Variants in WDR74 observed in about 807,000 individuals in gnomAD.
WDR74 encodes the protein WD repeat-containing protein 74.
WDR74 carries 31 observed loss-of-function variants against 45.6 expected under a neutral mutation model. The ratio of observed to expected loss-of-function variants is 0.68; its 90% CI spans 0.51 to 0.92. WDR74 has a LOEUF of 0.92. Among genes scored for constraint, WDR74 ranks in the 40% least tolerant of loss-of-function variants. WDR74 has a pLI of 0.00. For missense variants in WDR74, 455 were observed against 497.2 expected (o/e 0.92, Z 0.81); for synonymous variants, 191 against 192.4 (o/e 0.99, Z 0.06).
chr11:62,841,808 A>T (rs892915108), upstream of WDR74: 1 of 152,264 alleles, frequency 6.6e-6, no homozygotes, highest in African/African-American at 2.4e-5. Flanking sequence ...CCGAGAAGCG[A>T]TACCTTTACT....
At chr11:62,841,110 A>ATCCGCCCT (rs2085038211), upstream of WDR74, among the ~76,000 whole-genome samples, 2 of 152,298 alleles carry the variant, frequency 1.3e-5, no homozygotes, top group African/African-American at 4.8e-5. Flanking sequence ...CAAGGTCAAG[A>ATCCGCCCT]GATGGAGACC....
chr11:62,834,565 C>A (rs1442707862), intron 6 of WDR74, 38 bp from the exon 7 acceptor site: 1 of 1,559,728 alleles, frequency 6.4e-7, no homozygotes, highest in East Asian at 2.2e-5. Flanking sequence ...GTATCCTCAC[C>A]CTGCACCTAC....
chr11:62,839,288 GC>G (rs2085008503), intron 2 of WDR74, 33 bp downstream of exon 2: 2 of 1,610,952 alleles, frequency 1.2e-6, no homozygotes, highest in South Asian at 2.2e-5. Context: ...TGCGCCCCAG[GC>G]CCCCAGCTCC....
At chr11:62,840,616 T>C (rs1357695102), upstream of WDR74, among the ~76,000 whole-genome samples, 1 of 152,128 alleles carries the variant, frequency 6.6e-6, no homozygotes, top group Non-Finnish European at 1.5e-5. Flanking sequence ...TACCTAGAGA[T>C]TAACACAGAA....
At position 62,834,496 on chromosome 11, in the gene WDR74, C is replaced by A. The variant is rs200001030; in HGVS notation, c.650G>T (p.Arg217Leu). 5.0e-6 allele frequency: 8 copies of A among 1,609,574 alleles called. No homozygotes were observed. Among genetic ancestry groups the A allele is most frequent in the South Asian group, 1.1e-5 (1 of 91,012 alleles). The change falls in exon 7 of 11, where the codon CGC becomes CTC. Residue 217 changes from arginine to leucine, a missense_variant. Arg to Leu is a moderately radical substitution (Grantham distance 102). Transcript: ENST00000278856. ...VRVYDPASPQ[R>L]RPVLETTYGE... ...ATAGGTGGTCTCTAGGACTGGCCGG[C>A]GCTGGGGGGATGCTGGATCATAAAC...
At chr11:62,840,323 C>G (rs2134902092), upstream of WDR74, 1 of 152,210 alleles carries the variant, frequency 6.6e-6, no homozygotes, top group East Asian at 1.9e-4. Context: ...ACTAAACATA[C>G]AAAAACAAAA....
chr11:62,834,906 G>A (rs1035902955), intron 6 of WDR74: 18 of 256,932 alleles, frequency 7.0e-5, no homozygotes, highest in Admixed American at 6.4e-4. Context: ...GTTTTGAGCA[G>A]AGGCATATGA....
intron 6 of WDR74, 116 bp downstream of exon 6, chr11:62,835,315 C>A: frequency 1.1e-6 from 1 of 899,144 alleles, no homozygotes. Context: ...GACGGGGAAG[C>A]GCTTGCTCCT....
intron 6 of WDR74, chr11:62,834,745 G>A (rs907009166): frequency 1.7e-5 from 9 of 544,366 alleles, no homozygotes; most frequent in Non-Finnish European, 2.9e-5. Context: ...AGGTCCCCTA[G>A]GTTGGAAGTG....
chr11:62,841,508 A>G (rs950663305), upstream of WDR74: 1 of 152,138 alleles, frequency 6.6e-6, no homozygotes, highest in African/African-American at 2.4e-5. Context: ...CATTCAACAC[A>G]CTAGCGATAA....
chr11:62,839,622 C>G, upstream of WDR74: 1 of 1,555,438 alleles, frequency 6.4e-7, no homozygotes, highest in Admixed American at 1.9e-5. Flanking sequence ...GTGTGCGTCA[C>G]CAGCGGGCGT....
upstream of WDR74, among the ~76,000 whole-genome samples, chr11:62,841,205 C>T (rs475417): frequency 0.9 from 137,454 of 152,218 alleles, 63,015 homozygotes; most frequent in East Asian, 1. Context: ...TAGTCCCAGC[C>T]ACTCGGGAGG....
At chr11:62,834,390 G>GGGGCCCCCCC in intron 7 of WDR74, 37 bp downstream of exon 7, 2 of 1,584,246 alleles carry the variant, frequency 1.3e-6, no homozygotes, top group Non-Finnish European at 1.7e-6. Context: ...CCCTTCTCAA[G>GGGGCCCCCCC]CCCCACCCTC....
chr11:62,836,340 T>C (rs941087611), intron 3 of WDR74: 3 of 351,530 alleles, frequency 8.5e-6, no homozygotes, highest in African/African-American at 6.3e-5. Context: ...AGAAACTAAT[T>C]TGCCACTCAG....
chr11:62,841,784 T>C (rs959251240), upstream of WDR74: 2 of 152,248 alleles, frequency 1.3e-5, no homozygotes, highest in African/African-American at 2.4e-5. Flanking sequence ...CTACACTTGA[T>C]CTTAGCCAAA....
upstream of WDR74, chr11:62,839,602 C>A (rs774526347): frequency 6.3e-7 from 1 of 1,577,970 alleles, no homozygotes. Flanking sequence ...GTTCACACTT[C>A]CGGCGCAGCG....
chr11:62,833,544 C>A, intron 10 of WDR74, 74 bp downstream of exon 10: 1 of 1,516,830 alleles, frequency 6.6e-7, no homozygotes, highest in Non-Finnish European at 8.9e-7. Flanking sequence ...TTCCAGCTGC[C>A]TCCTTTTCCT....
chr11:62,835,903 A>G lies in WDR74; in HGVS notation c.369+58T>C, dbSNP rs2084952369. On this transcript the variant is annotated intron_variant, in intron 4 of 10. Coordinates refer to ENST00000278856, the MANE Select transcript of WDR74 (RefSeq NM_001369450.1). The stretch of plus-strand genomic sequence containing the variant: ...CCTTAATCCTCCCTTCCCCAGCGTG[A>G]TCATTAGGCACCTACCCCAGCCCAC... 11 of 1,585,716 alleles carry G rather than the reference A, an allele frequency of 6.9e-6. No individual in the cohort carries two copies. In the South Asian group the frequency reaches 1.3e-4, roughly 18 times the overall value.
At chr11:62,836,134 G>C in intron 3 of WDR74, 98 bp from the exon 4 acceptor site, 1 of 1,127,490 alleles carries the variant, frequency 8.9e-7, no homozygotes, top group East Asian at 2.8e-5. Context: ...AATGTTTAAA[G>C]AAAAAAAAAA....
Sources: gnomAD v4.1 joint callset for allele counts (sites outside exome capture counted in the v4.1 genomes callset) on GRCh38, gnomAD v4.1.1 for gene constraint, MANE v1.5 for transcripts, NCBI Gene and HGNC (gene_info 2026-07-23, HGNC 2026-07-21) for gene names.